PCDH15: variants seen among roughly 807,000 people sequenced by gnomAD.
PCDH15 encodes protocadherin related 15, also known as protocadherin-15.
In PCDH15, 129 loss-of-function variants were observed where a neutral mutation model predicts 178.5. The ratio of observed to expected loss-of-function variants is 0.72; its 90% CI spans 0.63 to 0.84. PCDH15 has a LOEUF of 0.84. Ranked by LOEUF, PCDH15 falls within the 40% of genes least tolerant of loss-of-function variation. The probability of loss-of-function intolerance (pLI) is 0.00; values close to 1 mark genes in which losing one functional copy is unlikely to be tolerated. For synonymous variants in PCDH15, 800 were observed against 732.0 expected, an observed-to-expected ratio of 1.09 and a Z score of -1.50; for missense variants, 2,230 against 2,099.9, an observed-to-expected ratio of 1.06 and a Z score of -1.21.
chr10:54,997,539 G>T (rs142227370), intron 2 of PCDH15, among the ~76,000 whole-genome samples: 104 of 152,128 alleles, frequency 6.8e-4, no homozygotes, highest in African/African-American at 2.3e-3. Flanking sequence ...ATCAGAGTTC[G>T]GCACAGAAGG....
At chr10:54,127,381 A>C (rs1368190117) in intron 15 of PCDH15, among the ~76,000 whole-genome samples, 1 of 152,200 alleles carries the variant, frequency 6.6e-6, no homozygotes, top group Non-Finnish European at 1.5e-5. Flanking sequence ...CTAGTTCGTA[A>C]GTGATTGTTC....
intron 8 of PCDH15, among the ~76,000 whole-genome samples, chr10:54,277,089 ACT>A (rs964429284): frequency 3.7e-4 from 56 of 151,522 alleles, no homozygotes; most frequent in African/African-American, 1.3e-3. Context: ...AGGTGTTGTC[ACT>A]CTCTTCCTGA....
intron 2 of PCDH15, among the ~76,000 whole-genome samples, chr10:54,603,515 C>A (rs2092628774): frequency 1.3e-5 from 2 of 149,266 alleles, no homozygotes; most frequent in Non-Finnish European, 1.5e-5. Flanking sequence ...TCCTCAGAAA[C>A]ATTTAATAGG....
At chr10:55,127,940 T>G (rs1218186506) in intron 2 of PCDH15, among the ~76,000 whole-genome samples, 1 of 152,076 alleles carries the variant, frequency 6.6e-6, no homozygotes, top group African/African-American at 2.4e-5. Flanking sequence ...ACTTCACTTT[T>G]GTCAGTCCCA....
intron 2 of PCDH15, among the ~76,000 whole-genome samples, chr10:55,386,661 C>T (rs1164457957): frequency 6.6e-6 from 1 of 152,002 alleles, no homozygotes; most frequent in Non-Finnish European, 1.5e-5. Flanking sequence ...ATCTCTAGGA[C>T]TCCATCCTAC....
At chr10:55,290,551 C>T (rs1223012761) in intron 1 of PCDH15, among the ~76,000 whole-genome samples, 3 of 152,034 alleles carry the variant, frequency 2.0e-5, no homozygotes, top group African/African-American at 2.4e-5. Flanking sequence ...AAGAGCATTT[C>T]CCTGACCACT....
intron 3 of PCDH15, among the ~76,000 whole-genome samples, chr10:54,385,626 A>G (rs1449270472): frequency 6.6e-6 from 1 of 152,196 alleles, no homozygotes; most frequent in Non-Finnish European, 1.5e-5. Context: ...GTTTTCTGAT[A>G]GGCTTATCAT....
chr10:55,337,719 C>A (rs777043923), intron 2 of PCDH15, among the ~76,000 whole-genome samples: 10 of 152,086 alleles, frequency 6.6e-5, no homozygotes, highest in Non-Finnish European at 1.3e-4. Context: ...AGGACATGAC[C>A]TTTTCAACAT....
intron 3 of PCDH15, among the ~76,000 whole-genome samples, chr10:54,845,018 A>G (rs555596027): frequency 3.9e-5 from 6 of 152,116 alleles, no homozygotes; most frequent in African/African-American, 1.4e-4. Flanking sequence ...ATGAAAAATC[A>G]TGTTGAAATT....
intron 25 of PCDH15, among the ~76,000 whole-genome samples, chr10:53,934,618 C>G (rs1365584505): frequency 6.6e-6 from 1 of 151,432 alleles, no homozygotes; most frequent in African/African-American, 2.4e-5. Flanking sequence ...AAAAATCACA[C>G]GGAGATGTAA....
At chr10:55,140,264 G>A (rs895051032) in intron 2 of PCDH15, among the ~76,000 whole-genome samples, 10 of 151,748 alleles carry the variant, frequency 6.6e-5, no homozygotes, top group African/African-American at 2.4e-4. Flanking sequence ...GTACTATGTT[G>A]CATGAAAGTA....
At chr10:54,984,724 A>G (rs1003392456) in intron 2 of PCDH15, among the ~76,000 whole-genome samples, 2 of 152,126 alleles carry the variant, frequency 1.3e-5, no homozygotes, top group Non-Finnish European at 2.9e-5. Context: ...TGTAGTCCCA[A>G]CTACTCAAGA....
At chr10:54,516,644 T>C (rs927854175) in intron 3 of PCDH15, among the ~76,000 whole-genome samples, 4 of 152,028 alleles carry the variant, frequency 2.6e-5, no homozygotes, top group African/African-American at 7.2e-5. Flanking sequence ...CTGCAGGATA[T>C]TATCCAGGAG....
intron 5 of PCDH15, among the ~76,000 whole-genome samples, chr10:54,361,474 C>T (rs1167487093): frequency 6.6e-6 from 1 of 152,004 alleles, no homozygotes; most frequent in Non-Finnish European, 1.5e-5. Flanking sequence ...ATTGCATGCA[C>T]CCAGCACCAT....
intron 2 of PCDH15, among the ~76,000 whole-genome samples, chr10:55,503,844 C>A (rs1007032485): frequency 6.6e-6 from 1 of 151,438 alleles, no homozygotes; most frequent in South Asian, 2.1e-4. Context: ...GATTCTCTGG[C>A]AACTGTTTAC....
chr10:54,483,042 C>T (rs2078836975), intron 3 of PCDH15, among the ~76,000 whole-genome samples: 2 of 151,728 alleles, frequency 1.3e-5, no homozygotes, highest in Admixed American at 1.3e-4. Context: ...TAAAAGATAA[C>T]AGTAGTCAAA....
intron 1 of PCDH15, among the ~76,000 whole-genome samples, chr10:54,730,280 C>T (rs1943155972): frequency 6.6e-6 from 1 of 151,390 alleles, no homozygotes; most frequent in African/African-American, 2.4e-5. Context: ...CTATTATCTT[C>T]AACAAATTAA....
intron 37 of PCDH15, chr10:53,808,312 CAT>C (rs1234259075): frequency 1.2e-5 from 6 of 509,658 alleles, no homozygotes; most frequent in Non-Finnish European, 1.5e-5. Context: ...GATATAAAAA[CAT>C]ATATAGTGTG....
intron 21 of PCDH15, among the ~76,000 whole-genome samples, chr10:53,972,079 C>T (rs1378799053): frequency 6.6e-6 from 1 of 152,066 alleles, no homozygotes; most frequent in East Asian, 1.9e-4. Flanking sequence ...GATACTGGTA[C>T]CAAAACAGAG....
Sources: gnomAD v4.1 joint callset for allele counts (sites outside exome capture counted in the v4.1 genomes callset) on GRCh38, gnomAD v4.1.1 for gene constraint, MANE v1.5 for transcripts, NCBI Gene and HGNC (gene_info 2026-07-23, HGNC 2026-07-21) for gene names.